RBFOX1: variants seen among roughly 807,000 people sequenced by gnomAD.
RBFOX1 encodes the protein RNA binding protein fox-1 homolog 1.
In RBFOX1, 8 loss-of-function variants were observed where a neutral mutation model predicts 57.7. The observed-to-expected ratio is 0.14, with a 90% confidence interval of 0.08 to 0.25. The LOEUF is 0.25. RBFOX1 is among the 10% of genes least tolerant of loss of function. The pLI is 1.00. For missense variants in RBFOX1, 611 were observed against 548.5 expected (o/e 1.11, Z -1.14); for synonymous variants, 326 against 222.4 (o/e 1.47, Z -4.15).
intron 4 of RBFOX1, among the ~76,000 whole-genome samples, chr16:7,375,852 C>G (rs2097676666): frequency 6.6e-6 from 1 of 152,082 alleles, no homozygotes; most frequent in Admixed American, 6.6e-5. Flanking sequence ...TTATTTGGTA[C>G]TACTTGGGAA....
intron 3 of RBFOX1, among the ~76,000 whole-genome samples, chr16:5,719,174 G>T (rs974848257): frequency 1.3e-5 from 2 of 151,340 alleles, no homozygotes; most frequent in African/African-American, 4.9e-5. Flanking sequence ...GGAGTTGGAA[G>T]GCTGCCACCC....
chr16:6,781,570 G>C (rs905316722), intron 3 of RBFOX1, among the ~76,000 whole-genome samples: 2 of 152,014 alleles, frequency 1.3e-5, no homozygotes, highest in Non-Finnish European at 2.9e-5. Context: ...CTTTTCTCTG[G>C]TGAGAATCTT....
chr16:6,748,691 A>C (rs1854400976), intron 3 of RBFOX1, among the ~76,000 whole-genome samples: 1 of 152,146 alleles, frequency 6.6e-6, no homozygotes, highest in Non-Finnish European at 1.5e-5. Context: ...GAGTATATAG[A>C]ATTTGAACTT....
Position 7,050,718 on chromosome 16 carries a change from A to G in RBFOX1, c.-15-1339A>G, listed in dbSNP as rs571804440. On this transcript the variant is annotated intron_variant, in intron 3 of 15. Transcript: ENST00000550418. ...TCTATATTTAAAACTATGTTTCTAA[A>G]TGGTACATGTTATGCCATACTATCA... Among the ~76,000 whole-genome samples the G allele has an allele frequency of 2.6e-5, 4 of 152,346 alleles. No homozygotes were observed. The South Asian group carries it at 8.3e-4, about 32-fold the overall frequency.
chr16:6,181,913 C>T (rs1230650804), intron 1 of RBFOX1, among the ~76,000 whole-genome samples: 2 of 56,636 alleles, frequency 3.5e-5, no homozygotes, highest in East Asian at 1.4e-3. Flanking sequence ...AACATTTTGG[C>T]TCAGTTTCCA....
At chr16:7,132,926 A>G (rs968191932) in intron 4 of RBFOX1, among the ~76,000 whole-genome samples, 6 of 152,336 alleles carry the variant, frequency 3.9e-5, no homozygotes, top group African/African-American at 1.4e-4. Context: ...TTTTAACAGG[A>G]TACATTTTTT....
chr16:6,277,949 C>T (rs1397478346), intron 1 of RBFOX1, among the ~76,000 whole-genome samples: 2 of 152,092 alleles, frequency 1.3e-5, no homozygotes, highest in Non-Finnish European at 2.9e-5. Context: ...TTACTTGGCC[C>T]GGAGTTTAAT....
At chr16:7,055,689 A>T (rs771917584) in intron 4 of RBFOX1, among the ~76,000 whole-genome samples, 1 of 152,232 alleles carries the variant, frequency 6.6e-6, no homozygotes, top group East Asian at 1.9e-4. Context: ...GATTGGCTAC[A>T]GCAGTTATGA....
At chr16:7,249,667 G>C (rs535455510) in intron 4 of RBFOX1, among the ~76,000 whole-genome samples, 4 of 151,228 alleles carry the variant, frequency 2.6e-5, no homozygotes, top group Non-Finnish European at 4.4e-5. Context: ...ATGGGTACCA[G>C]ATTTATTTTT....
chr16:7,689,344 G>T (rs944688106), intron 14 of RBFOX1, among the ~76,000 whole-genome samples: 1 of 152,108 alleles, frequency 6.6e-6, no homozygotes, highest in African/African-American at 2.4e-5. Flanking sequence ...GGTGAGCTTT[G>T]AAGTGAAAAT....
chr16:7,261,113 C>G (rs1294736707), intron 4 of RBFOX1, among the ~76,000 whole-genome samples: 1 of 152,058 alleles, frequency 6.6e-6, no homozygotes, highest in South Asian at 2.1e-4. Context: ...CAAGTCAGGA[C>G]TTCCTCTGTA....
At chr16:7,029,130 ATATATATATGTGTATATATG>A (rs1227364473) in intron 3 of RBFOX1, among the ~76,000 whole-genome samples, 652 of 64,390 alleles carry the variant, frequency 0.01, 146 homozygotes, top group East Asian at 0.066. Context: ...ACATATACGT[ATATATATATGTGTATATATG>A]TATATATATA....
At chr16:6,059,621 ATTT>A (rs1289376858) in intron 1 of RBFOX1, among the ~76,000 whole-genome samples, 7 of 152,052 alleles carry the variant, frequency 4.6e-5, no homozygotes, top group Non-Finnish European at 7.4e-5. Context: ...GAGTAAATAT[ATTT>A]TTGACACTTG....
chr16:7,091,566 C>T (rs1325684942), intron 4 of RBFOX1, among the ~76,000 whole-genome samples: 1 of 151,786 alleles, frequency 6.6e-6, no homozygotes, highest in Admixed American at 6.6e-5. Context: ...ATCATTTTTT[C>T]TACAGGATCC....
chr16:5,945,500 G>A (rs922163642), intron 4 of RBFOX1, among the ~76,000 whole-genome samples: 1 of 152,192 alleles, frequency 6.6e-6, no homozygotes, highest in Non-Finnish European at 1.5e-5. Flanking sequence ...TGGATTGAAA[G>A]CCTTGTCTGA....
At chr16:6,667,872 G>C (rs1350146894) in intron 3 of RBFOX1, among the ~76,000 whole-genome samples, 1 of 151,720 alleles carries the variant, frequency 6.6e-6, no homozygotes, top group Non-Finnish European at 1.5e-5. Flanking sequence ...CTGGGTGACA[G>C]AGCAAGACCC....
intron 4 of RBFOX1, among the ~76,000 whole-genome samples, chr16:7,191,973 G>T (rs1347954116): frequency 6.6e-6 from 1 of 152,174 alleles, no homozygotes; most frequent in African/African-American, 2.4e-5. Context: ...CTCTAAGGAG[G>T]GCTGCACAAA....
At chr16:6,831,502 T>A (rs2092706676) in intron 3 of RBFOX1, among the ~76,000 whole-genome samples, 1 of 152,204 alleles carries the variant, frequency 6.6e-6, no homozygotes, top group African/African-American at 2.4e-5. Flanking sequence ...TAGCCTAATA[T>A]ATTTCCCTTT....
chr16:7,348,653 C>A (rs1324852753), intron 4 of RBFOX1, among the ~76,000 whole-genome samples: 1 of 152,160 alleles, frequency 6.6e-6, no homozygotes, highest in Non-Finnish European at 1.5e-5. Flanking sequence ...TACAGAATTA[C>A]ACAAAAGGCC....
Sources: allele counts gnomAD v4.1 joint callset (sites outside exome capture counted in the v4.1 genomes callset), GRCh38; gene constraint gnomAD v4.1.1; transcripts MANE v1.5; gene names NCBI Gene and HGNC (gene_info 2026-07-23, HGNC 2026-07-21).